The following TLE6 variants were observed in gnomAD, a reference collection of about 807,000 sequenced individuals.
The protein encoded by TLE6 is transducin-like enhancer protein 6.
TLE6 carries 72 observed loss-of-function variants against 77.1 expected under a neutral mutation model. The ratio of observed to expected loss-of-function variants is 0.93; its 90% CI spans 0.77 to 1.14. The LOEUF is 1.14. Ranked by LOEUF, TLE6 falls within the 50% of genes most tolerant of loss-of-function variation. The pLI is 0.00. For missense variants in TLE6, 843 were observed against 747.6 expected (o/e 1.13, Z -1.49); for synonymous variants, 366 against 287.3 (o/e 1.27, Z -2.77).
In TLE6 at chr19:2,989,562, C is replaced by T. The variant is rs2088995880; in HGVS notation, c.1021C>T (p.Leu341=). 2 of 1,613,172 alleles carry T rather than the reference C, an allele frequency of 1.2e-6. No homozygotes were observed. The highest frequency in any genetic ancestry group is 1.7e-5 in the Admixed American group (1 of 60,016). ...CCCTGGGGCCTTCCTGCGCACCTGCCTGCTGTCCTCAAACAGCAGGAGCCT... is the reference window on the plus strand; with the variant it reads ...CCCTGGGGCCTTCCTGCGCACCTGCTTGCTGTCCTCAAACAGCAGGAGCCT... ...QTPGAFLRTC[L]LSSNSRSLLT... is the part of the protein sequence containing the mutation. The change falls in exon 13 of 17, where the codon CTG becomes TTG. Residue 341 remains leucine (L), a synonymous_variant. Transcript: ENST00000246112.
At chr19:2,993,026 TAAAAAAA>T (rs377287142) in intron 14 of TLE6, among the ~76,000 whole-genome samples, 8 of 48,338 alleles carry the variant, frequency 1.7e-4, no homozygotes, top group South Asian at 1.7e-3. Context: ...CCGTCTCTAC[TAAAAAAA>T]AAAAAAAAAA....
chr19:2,994,525 GC>G (rs2089164371), intron 16 of TLE6, among the ~76,000 whole-genome samples: 1 of 152,172 alleles, frequency 6.6e-6, no homozygotes, highest in African/African-American at 2.4e-5. Context: ...CAGGAGAATG[GC>G]GTGAGCCAGG....
In TLE6 at chr19:2,991,876, T is replaced by G. The variant is rs149510291; in HGVS notation, c.1278T>G (p.Ser426Arg). 4 of 1,613,020 alleles carry G rather than the reference T, an allele frequency of 2.5e-6. No homozygotes were observed. The highest frequency in any genetic ancestry group is 2.7e-5 in the African/African-American group (2 of 74,580). The change falls in exon 14 of 17, where the codon AGT (serine) becomes AGG (arginine). Residue 426 changes from serine (S) to arginine (R), a missense_variant. Coordinates refer to ENST00000246112, the MANE Select transcript of TLE6 (RefSeq NM_001143986.2). ...AGGGTTATCCTGATGGAGTCAAGAG[T>G]ATCGTGGTCAAGGGCTACAACATCT... ...DLKGYPDGVKSIVVKGYNIWT... is the reference protein window; with the variant it reads ...DLKGYPDGVKRIVVKGYNIWT...
intron 15 of TLE6, 36 bp from the exon 16 acceptor site, chr19:2,993,983 T>C: frequency 6.6e-7 from 1 of 1,509,372 alleles, no homozygotes. Context: ...AAAAAGGTAG[T>C]GGTTCTAAGT....
chr19:2,979,123 C>T lies in TLE6; in HGVS notation c.51+839C>T, dbSNP rs143319627. ...CTGCCACCATGACCACCAAATTTTTCTTGTATTTTTAGTAGAGACTGGGTT... is the reference window on the plus strand; with the variant it reads ...CTGCCACCATGACCACCAAATTTTTTTTGTATTTTTAGTAGAGACTGGGTT... On this transcript the variant is annotated intron_variant, in intron 2 of 16. Coordinates refer to ENST00000246112, the MANE Select transcript of TLE6 (RefSeq NM_001143986.2). Among the ~76,000 whole-genome samples, 1,337 of 150,640 alleles carry T rather than the reference C, an allele frequency of 8.9e-3. 15 individuals are homozygous for T. The highest frequency in any genetic ancestry group is 0.031 in the African/African-American group (1,265 of 40,944).
chr19:2,981,408 T>C, intron 3 of TLE6, 130 bp from the exon 4 acceptor site: 1 of 881,966 alleles, frequency 1.1e-6, no homozygotes. Flanking sequence ...GACACTGCCT[T>C]AAATTTGGCT....
rs1167753292 is a variant in TLE6, at chr19:2,993,534, G to A, written c.1489G>A (p.Val497Met). The A allele has an allele frequency of 6.3e-7, 1 of 1,589,814 alleles. No individual in the cohort carries two copies. The highest frequency in any genetic ancestry group is 8.6e-7 in the Non-Finnish European group (1 of 1,161,968). ...QSTSGSQRHM[V>M]GQKDSVILSV... Reference sequence around the variant, plus strand: ...CACCAGCGGGAGCCAGCGGCACATGGTGGGGCAAAAAGACAGCGTCATCCT... The same window carrying A: ...CACCAGCGGGAGCCAGCGGCACATGATGGGGCAAAAAGACAGCGTCATCCT... Residue 497 changes from valine (V) to methionine (M), a missense_variant, in exon 15 of 17, where the codon GTG becomes ATG. Coordinates refer to ENST00000246112, the MANE Select transcript of TLE6 (RefSeq NM_001143986.2).
rs2089149655 is a variant in TLE6 at position 2,994,000 on chromosome 19, G to A, written c.1538-19G>A. 1 of 1,592,080 alleles carries A rather than the reference G, an allele frequency of 6.3e-7. No individual in the cohort carries two copies. The highest frequency in any genetic ancestry group is 8.6e-7 in the Non-Finnish European group (1 of 1,169,372). On this transcript the variant is annotated intron_variant, in intron 15 of 16. Coordinates refer to ENST00000246112, the MANE Select transcript of TLE6 (RefSeq NM_001143986.2). ...AAAGGTAGTGGTTCTAAGTCTCGCT[G>A]ATGCTCCATTTCTCCCAGGCCAGTG...
intron 14 of TLE6, 60 bp from the exon 15 acceptor site, chr19:2,993,372 G>A: frequency 6.5e-7 from 1 of 1,533,396 alleles, no homozygotes; most frequent in Non-Finnish European, 8.8e-7. Flanking sequence ...GCTCCTGCCT[G>A]CTTCCTGGGC....
In TLE6 at chr19:2,995,054, C is replaced by T. The variant is rs551067044; in HGVS notation, c.*50C>T. ...TCCGGCTCCTCTTTTCATCCCCCCCCTTCCCCCCCCCCAACAAGGGGGACA... is the reference window on the plus strand; with the variant it reads ...TCCGGCTCCTCTTTTCATCCCCCCCTTTCCCCCCCCCCAACAAGGGGGACA... On this transcript the variant is annotated 3_prime_UTR_variant, in exon 17 of 17. Transcript: ENST00000246112. 3.2e-3 allele frequency: 3,327 copies of T among 1,048,524 alleles called. 15 individuals carry two copies. The highest frequency in any genetic ancestry group is 6.1e-3 in the Middle Eastern group (20 of 3,298). 65.0% of individuals were successfully genotyped at this position (1,048,524 alleles called of 1,614,324 possible).
intron 13 of TLE6, among the ~76,000 whole-genome samples, chr19:2,990,644 T>C (rs1036433126): frequency 4.3e-5 from 6 of 141,116 alleles, no homozygotes; most frequent in Non-Finnish European, 9.0e-5. Context: ...TAAATAAATA[T>C]ATATATAAAT....
At chr19:2,980,668 G>A (rs1287644396) in intron 3 of TLE6, among the ~76,000 whole-genome samples, 1 of 151,432 alleles carries the variant, frequency 6.6e-6, no homozygotes, top group Admixed American at 6.6e-5. Flanking sequence ...CCCAGGAGGC[G>A]GAGGGTTGCA....
chr19:2,993,494 G>A lies in TLE6; in HGVS notation c.1449G>A (p.Gln483=), dbSNP rs754668805. 1 of 1,599,694 alleles carries A rather than the reference G, an allele frequency of 6.3e-7. No individual in the cohort carries two copies. The highest frequency in any genetic ancestry group is 1.1e-5 in the South Asian group (1 of 90,572). The change falls in exon 15 of 17, where the codon CAG becomes CAA. Residue 483 remains glutamine, a synonymous_variant. Coordinates refer to ENST00000246112, the MANE Select transcript of TLE6 (RefSeq NM_001143986.2). The stretch of plus-strand genomic sequence containing the variant: ...TGCTGCTGGGCATGGCCAATGGCCA[G>A]CAGTGGCTGCAAAGCACCAGCGGGA... ...DWVLLGMANG[Q]QWLQSTSGSQ... is the part of the protein sequence containing the mutation.
rs138610046 is a variant in TLE6, at chr19:2,994,998, C to T, written c.1713C>T (p.Thr571=). 1.2e-4 allele frequency: 192 copies of T among 1,604,004 alleles called. No homozygotes were observed. The African/African-American group carries it at 2.4e-3, about 20-fold the overall frequency. ...AGCACGCCTCCGTGTACCAGATCAC[C>T]TACTGAGGGGCCTCGCTGCTGTCAT... is the stretch of plus-strand genomic sequence containing the variant. ...SGEHASVYQI[T]Y Residue 571 remains threonine (T), a synonymous_variant, in exon 17 of 17, where the codon ACC becomes ACT. Coordinates refer to ENST00000246112, the MANE Select transcript of TLE6 (RefSeq NM_001143986.2).
chr19:2,986,916 G>C (rs2145040660), intron 6 of TLE6, 25 bp downstream of exon 6: 6 of 1,552,658 alleles, frequency 3.9e-6, no homozygotes, highest in East Asian at 2.4e-5. Flanking sequence ...CTTCAAGGAG[G>C]GGAGGGGACA....
At chr19:2,989,948 G>A (rs951634152) in intron 13 of TLE6, among the ~76,000 whole-genome samples, 163 bp downstream of exon 13, 10 of 128,210 alleles carry the variant, frequency 7.8e-5, no homozygotes, top group African/African-American at 3.9e-4. Context: ...ACTTGGATTT[G>A]AGAAAGTTTA....
At chr19:2,979,526 C>CAT (rs1236475537) in intron 2 of TLE6, among the ~76,000 whole-genome samples, 1 of 152,040 alleles carries the variant, frequency 6.6e-6, no homozygotes, top group Non-Finnish European at 1.5e-5. Flanking sequence ...GGATTACAGG[C>CAT]ATGAGCCACC....
At chr19:2,988,019 AG>A (rs1568214357) in intron 10 of TLE6, 45 bp downstream of exon 10, 1 of 1,585,342 alleles carries the variant, frequency 6.3e-7, no homozygotes, top group South Asian at 1.1e-5. Context: ...AAGGCTGCCC[AG>A]GGTGGGGTAG....
chr19:2,987,526 C>A, intron 8 of TLE6, 154 bp downstream of exon 8: 1 of 1,210,632 alleles, frequency 8.3e-7, no homozygotes, highest in Non-Finnish European at 1.2e-6. Context: ...ATCCAGGAGG[C>A]TATACTGGAG....
Sources: allele counts gnomAD v4.1 joint callset (sites outside exome capture counted in the v4.1 genomes callset), GRCh38; gene constraint gnomAD v4.1.1; transcripts MANE v1.5; gene names NCBI Gene and HGNC (gene_info 2026-07-23, HGNC 2026-07-21).